The following THAP4 variants were observed in gnomAD, a reference collection of about 807,000 sequenced individuals.
THAP4 encodes the protein THAP domain containing 4.
A neutral mutation model predicts 48.1 loss-of-function variants in THAP4; 18 were observed. The observed-to-expected ratio is 0.37, with a 90% CI of 0.26 to 0.56. THAP4 has a LOEUF of 0.56. THAP4 is among the 20% of genes least tolerant of loss of function. THAP4 has a pLI of 0.78. For synonymous variants in THAP4, 345 were observed against 324.9 expected (o/e 1.06, Z -0.66); for missense variants, 656 against 774.9 (o/e 0.85, Z 1.82).
intron 2 of THAP4, among the ~76,000 whole-genome samples, chr2:241,613,519 CGAG>C (rs2067303345): frequency 6.6e-6 from 1 of 152,058 alleles, no homozygotes; most frequent in African/African-American, 2.4e-5. Context: ...TTTGGGAGGC[CGAG>C]GAGGGTGGAT....
chr2:241,595,082 A>G (rs112887735), intron 5 of THAP4, among the ~76,000 whole-genome samples: 1 of 151,866 alleles, frequency 6.6e-6, no homozygotes, highest in African/African-American at 2.4e-5. Context: ...GCGCCATCTC[A>G]GCTCATTGCA....
chr2:241,598,534 G>C (rs537170096), intron 5 of THAP4, among the ~76,000 whole-genome samples: 4 of 152,294 alleles, frequency 2.6e-5, no homozygotes, highest in African/African-American at 7.2e-5. Flanking sequence ...CCACAGCTGT[G>C]GGGGTGGGGG....
At chr2:241,594,437 G>C (rs2067024335) in intron 5 of THAP4, among the ~76,000 whole-genome samples, 1 of 152,020 alleles carries the variant, frequency 6.6e-6, no homozygotes, top group Non-Finnish European at 1.5e-5. Context: ...TACAAATAAA[G>C]TAGCCGTGCT....
At chr2:241,632,353 G>C (rs1475563711) in intron 2 of THAP4, among the ~76,000 whole-genome samples, 2 of 152,104 alleles carry the variant, frequency 1.3e-5, no homozygotes, top group Non-Finnish European at 2.9e-5. Context: ...GCCCACCTTA[G>C]CCTCCCAAAG....
chr2:241,589,187 T>C (rs1167142185), intron 5 of THAP4, among the ~76,000 whole-genome samples: 2 of 141,328 alleles, frequency 1.4e-5, no homozygotes, highest in African/African-American at 5.3e-5. Context: ...CATTCCAGCC[T>C]GGGCAACGAG....
chr2:241,617,792 C>G (rs1464522173), intron 2 of THAP4, among the ~76,000 whole-genome samples: 4 of 152,140 alleles, frequency 2.6e-5, no homozygotes, highest in Non-Finnish European at 5.9e-5. Flanking sequence ...CTTTCTCTCT[C>G]CAGAGCAGTC....
intron 2 of THAP4, chr2:241,617,308 T>G (rs1559229362): frequency 3.6e-6 from 3 of 830,026 alleles, no homozygotes; most frequent in Non-Finnish European, 3.9e-6. Context: ...ATTTCATTTT[T>G]CTTTTATTGA....
chr2:241,636,911 C>CG, intron 1 of THAP4, 30 bp downstream of exon 1: 1 of 1,204,080 alleles, frequency 8.3e-7, no homozygotes, highest in South Asian at 1.5e-5. Flanking sequence ...CGGGTCGGGG[C>CG]GGGGGCGTGG....
At chr2:241,607,780 G>C (rs2067202817) in intron 2 of THAP4, among the ~76,000 whole-genome samples, 1 of 129,776 alleles carries the variant, frequency 7.7e-6, no homozygotes. Flanking sequence ...GGACTGACGG[G>C]GACAGGATCG....
At chr2:241,591,260 G>C (rs1480781830) in intron 5 of THAP4, among the ~76,000 whole-genome samples, 1 of 147,244 alleles carries the variant, frequency 6.8e-6, no homozygotes, top group South Asian at 2.2e-4. Context: ...GACACTCAGA[G>C]CTGCTCGGTC....
In THAP4 at chr2:241,584,508, C is replaced by G. The variant is rs144402439; in HGVS notation, c.*98G>C. The G allele has an allele frequency of 0.035, 47,631 of 1,373,492 alleles. 1,052 individuals carry two copies. The highest frequency in any genetic ancestry group is 0.08 in the Middle Eastern group (364 of 4,548). 85.1% of individuals were successfully genotyped at this position (1,373,492 alleles called of 1,614,324 possible). On this transcript the variant is annotated 3_prime_UTR_variant, in exon 6 of 6. Transcript: ENST00000407315. ...ACACTCTTGAGCCTGCAGAGGCTCA[C>G]GGCCACACCCACTTCTGCCGCAGGG...
At chr2:241,630,036 A>C (rs899290660) in intron 2 of THAP4, among the ~76,000 whole-genome samples, 1 of 152,124 alleles carries the variant, frequency 6.6e-6, no homozygotes, top group Non-Finnish European at 1.5e-5. Context: ...TGAAGTCTCA[A>C]AGGATTCCAA....
chr2:241,602,870 G>A, intron 4 of THAP4, 100 bp downstream of exon 4: 1 of 910,368 alleles, frequency 1.1e-6, no homozygotes, highest in Non-Finnish European at 1.8e-6. Flanking sequence ...ACCAGCACAT[G>A]CCTCAGCAGG....
chr2:241,621,932 C>A (rs1210098638), intron 2 of THAP4, among the ~76,000 whole-genome samples: 1 of 151,892 alleles, frequency 6.6e-6, no homozygotes, highest in Non-Finnish European at 1.5e-5. Flanking sequence ...TTGTCAGAAA[C>A]CACGCAAGCA....
chr2:241,627,615 T>C (rs1305185566), intron 2 of THAP4, among the ~76,000 whole-genome samples: 1 of 152,188 alleles, frequency 6.6e-6, no homozygotes, highest in Non-Finnish European at 1.5e-5. Flanking sequence ...GCGAGCTGAA[T>C]AGACAAGTGT....
At chr2:241,618,101 C>T (rs571476743) in intron 2 of THAP4, among the ~76,000 whole-genome samples, 41 of 152,320 alleles carry the variant, frequency 2.7e-4, no homozygotes, top group Admixed American at 1.0e-3. Context: ...GCGGCCCGCA[C>T]CAGCTGTCCC....
At chr2:241,590,538 T>TGAC (rs796705151) in intron 5 of THAP4, among the ~76,000 whole-genome samples, 1 of 39,736 alleles carries the variant, frequency 2.5e-5, no homozygotes, top group African/African-American at 1.2e-4. Context: ...CGGCTGATGA[T>TGAC]GGGCACTAGG....
intron 2 of THAP4, among the ~76,000 whole-genome samples, chr2:241,622,288 A>ATGGGAGGTGGAGGTTGCAATGAGC (rs2067437876): frequency 6.6e-6 from 1 of 151,964 alleles, no homozygotes; most frequent in Non-Finnish European, 1.5e-5. Flanking sequence ...TTGCTTGAGC[A>ATGGGAGGTGGAGGTTGCAATGAGC]TGGGAGGTGG....
intron 5 of THAP4, chr2:241,591,879 C>T (rs546697532): frequency 3.9e-5 from 6 of 152,340 alleles, no homozygotes; most frequent in African/African-American, 1.2e-4. Context: ...AACTGAACCA[C>T]ATAAAATCCA....
Sources: gnomAD v4.1 joint callset for allele counts (sites outside exome capture counted in the v4.1 genomes callset) on GRCh38, gnomAD v4.1.1 for gene constraint, MANE v1.5 for transcripts, NCBI Gene and HGNC (gene_info 2026-07-23, HGNC 2026-07-21) for gene names.